MYH15: variants seen among roughly 807,000 people sequenced by gnomAD.
MYH15 encodes myosin-15.
In MYH15, 227 loss-of-function variants were observed where a neutral mutation model predicts 240.5. The observed-to-expected ratio is 0.94, with a 90% CI of 0.85 to 1.05. The LOEUF (loss-of-function observed/expected upper bound fraction) is 1.05, where lower values mean the gene tolerates loss of function less well. MYH15 is among the 50% of genes least tolerant of loss of function. MYH15 has a pLI of 0.00. For missense variants in MYH15, 2,217 were observed against 2,247.5 expected (o/e 0.99, Z 0.27); for synonymous variants, 785 against 796.7 (o/e 0.99, Z 0.25).
upstream of MYH15, among the ~76,000 whole-genome samples, chr3:108,529,878 G>A (rs976522670): frequency 6.6e-6 from 1 of 152,184 alleles, no homozygotes; most frequent in African/African-American, 2.4e-5. Flanking sequence ...TAGTGGCTGA[G>A]ATGGCTAGAG....
chr3:108,462,090 C>T (rs186206342), intron 16 of MYH15, among the ~76,000 whole-genome samples: 17 of 152,130 alleles, frequency 1.1e-4, no homozygotes, highest in Non-Finnish European at 1.5e-4. Flanking sequence ...ATTTTTTTAG[C>T]TTGTGTGGAC....
At position 108,456,762 on chromosome 3, in the gene MYH15, T is replaced by C. The variant is rs1219759805; in HGVS notation, c.2138+4A>G. 42 of 1,599,076 alleles carry C rather than the reference T, an allele frequency of 2.6e-5. No individual in the cohort carries two copies. Among genetic ancestry groups the C allele is most frequent in the Non-Finnish European group, 3.4e-5 (40 of 1,166,548 alleles). On this transcript the variant is annotated splice_donor_region_variant and intron_variant, in intron 19 of 40. Transcript: ENST00000693548. ...GCTTCTTGGATCCTAGAATGTAGGT[T>C]TACCTTTGTTTAAAATCAGCATACT...
intron 29 of MYH15, 120 bp downstream of exon 29, chr3:108,416,692 C>T (rs2082635776): frequency 2.4e-6 from 2 of 842,486 alleles, no homozygotes; most frequent in East Asian, 5.1e-5. Context: ...TCCCCCATAA[C>T]TTCTAGGGCA....
At chr3:108,417,814 C>T (rs1442981393) in intron 28 of MYH15, among the ~76,000 whole-genome samples, 30 of 151,884 alleles carry the variant, frequency 2.0e-4, no homozygotes, top group African/African-American at 7.3e-4. Context: ...CACACACACA[C>T]ACACACACAC....
intron 22 of MYH15, among the ~76,000 whole-genome samples, chr3:108,442,829 A>G (rs897838777): frequency 7.3e-5 from 11 of 150,854 alleles, no homozygotes; most frequent in African/African-American, 2.7e-4. Flanking sequence ...ATAATCATAA[A>G]TAGATATTAT....
Position 108,380,653 on chromosome 3 carries a change from A to C in MYH15, c.*892T>G, listed in dbSNP as rs556255158. ...CAGTACTTTGCAAAGCTGAAGGAGG[A>C]GGCTGGCAGGAGCTGGAAGAGCTCT... is the stretch of plus-strand genomic sequence containing the variant. On this transcript the variant is annotated 3_prime_UTR_variant, in exon 41 of 41. Coordinates refer to ENST00000693548, the MANE Select transcript of MYH15 (RefSeq NM_014981.3). 1.8e-4 allele frequency: 28 copies of C among 152,520 alleles called. No individual in the cohort carries two copies. Among genetic ancestry groups the C allele is most frequent in the African/African-American group, 6.3e-4 (26 of 41,548 alleles). 9.4% of individuals were successfully genotyped at this position (152,520 alleles called of 1,614,324 possible).
At chr3:108,473,627 G>T (rs779197472) in intron 12 of MYH15, among the ~76,000 whole-genome samples, 1 of 152,146 alleles carries the variant, frequency 6.6e-6, no homozygotes, top group Non-Finnish European at 1.5e-5. Context: ...TCGATTAAAT[G>T]AGATAATCCA....
chr3:108,499,428 A>C (rs1043591003), intron 5 of MYH15, 27 bp downstream of exon 5: 1 of 1,611,886 alleles, frequency 6.2e-7, no homozygotes, highest in Non-Finnish European at 8.5e-7. Context: ...CTTCAGGCCA[A>C]AAAAGAAAAA....
At chr3:108,511,166 C>T (rs370264951), upstream of MYH15, among the ~76,000 whole-genome samples, 1 of 151,710 alleles carries the variant, frequency 6.6e-6, no homozygotes, top group African/African-American at 2.4e-5. Flanking sequence ...GCAGACAGAC[C>T]GTTATAGACA....
rs776723033 is a variant in MYH15 at position 108,391,802 on chromosome 3, G to A, written c.5388C>T (p.Ala1796=). Residue 1796 remains alanine (A), a synonymous_variant, in exon 37 of 41, where the codon GCC becomes GCT. Coordinates refer to ENST00000693548, the MANE Select transcript of MYH15 (RefSeq NM_014981.3). ...GGATTTGCTTTCTACTCCCCATCAG[G>A]GCCATCTGTTCAGCTTCAGCCAGCC... is the stretch of plus-strand genomic sequence containing the variant. ...QKRLAEAEQM[A]LMGSRKQIQK... 1.2e-6 allele frequency: 2 copies of A among 1,613,940 alleles called. No homozygotes were observed. Among genetic ancestry groups the A allele is most frequent in the Non-Finnish European group, 1.7e-6 (2 of 1,179,970 alleles).
chr3:108,440,165 C>A (rs917540086), intron 23 of MYH15, among the ~76,000 whole-genome samples: 1 of 152,092 alleles, frequency 6.6e-6, no homozygotes, highest in Admixed American at 6.5e-5. Flanking sequence ...AAATAATTAA[C>A]ATTATTTATA....
rs2082402443 is a variant in MYH15, at chr3:108,388,884, C to T, written c.5535+86G>A. 4 of 1,132,362 alleles carry T rather than the reference C, an allele frequency of 3.5e-6. 1 individual carries two copies. The highest frequency in any genetic ancestry group is 5.2e-6 in the Non-Finnish European group (4 of 774,266). The allele number at this position is 1,132,362 out of a possible 1,614,324, so 70.1% of individuals were successfully genotyped here. On this transcript the variant is annotated intron_variant, in intron 38 of 40. Transcript: ENST00000693548. Reference sequence around the variant, plus strand: ...AAGATGAAGAGAGAACGGCAGGAGTCCCAGAAGGCCATTTCAGGCTTGAAG... The same window carrying T: ...AAGATGAAGAGAGAACGGCAGGAGTTCCAGAAGGCCATTTCAGGCTTGAAG...
At chr3:108,523,153 C>G (rs2083635405) in intron 1 of MYH15, among the ~76,000 whole-genome samples, 1 of 151,986 alleles carries the variant, frequency 6.6e-6, no homozygotes, top group African/African-American at 2.4e-5. Flanking sequence ...AATTATAAAA[C>G]AGTATTTACA....
intron 14 of MYH15, among the ~76,000 whole-genome samples, chr3:108,466,604 C>T (rs1485954120): frequency 1.2e-4 from 18 of 152,146 alleles, no homozygotes; most frequent in Admixed American, 1.2e-3. Flanking sequence ...ATAGTGCCTG[C>T]TTATACCTGA....
At chr3:108,465,488 CT>C (rs1396774438) in intron 14 of MYH15, among the ~76,000 whole-genome samples, 2 of 152,106 alleles carry the variant, frequency 1.3e-5, no homozygotes, top group East Asian at 3.9e-4. Flanking sequence ...AATAGGAAGC[CT>C]TTGGAGGCTT....
At chr3:108,421,811 C>G (rs2082686592) in intron 27 of MYH15, among the ~76,000 whole-genome samples, 1 of 152,224 alleles carries the variant, frequency 6.6e-6, no homozygotes, top group African/African-American at 2.4e-5. Context: ...GCCAAAGCAA[C>G]TGTACCCTCC....
chr3:108,471,026 AAAG>A, intron 12 of MYH15, among the ~76,000 whole-genome samples, 179 bp from the exon 13 acceptor site: 1 of 86,204 alleles, frequency 1.2e-5, no homozygotes, highest in African/African-American at 6.0e-5. Flanking sequence ...AGAGAGAGAA[AAAG>A]AAAGAAAGAA....
At chr3:108,511,532 T>C (rs1447342766), upstream of MYH15, among the ~76,000 whole-genome samples, 1 of 152,176 alleles carries the variant, frequency 6.6e-6, no homozygotes, top group Non-Finnish European at 1.5e-5. Flanking sequence ...TATCTTTAAT[T>C]TTCACACTTT....
intron 6 of MYH15, 142 bp downstream of exon 6, chr3:108,497,910 T>C (rs2107232545): frequency 1.6e-6 from 1 of 628,106 alleles, no homozygotes; most frequent in South Asian, 2.1e-5. Flanking sequence ...AAAGGAAATA[T>C]TTAAAAAAAT....
Sources: gnomAD v4.1 joint callset for allele counts (sites outside exome capture counted in the v4.1 genomes callset) on GRCh38, gnomAD v4.1.1 for gene constraint, MANE v1.5 for transcripts, NCBI Gene and HGNC (gene_info 2026-07-23, HGNC 2026-07-21) for gene names.